The following SBF2 variants were observed in gnomAD, a reference collection of about 807,000 sequenced individuals.
SBF2 encodes myotubularin-related protein 13.
In SBF2, 112 loss-of-function variants were observed where a neutral mutation model predicts 225.2. The observed-to-expected ratio is 0.50, with a 90% CI of 0.43 to 0.58. SBF2 has a LOEUF of 0.58. Among genes scored for constraint, SBF2 ranks in the 20% least tolerant of loss-of-function variants. SBF2 has a pLI of 0.00. For synonymous variants in SBF2, 763 were observed against 773.3 expected (o/e 0.99, Z 0.22); for missense variants, 1,996 against 2,206.2 (o/e 0.90, Z 1.91).
At chr11:10,220,590 C>T (rs892829733) in intron 1 of SBF2, among the ~76,000 whole-genome samples, 4 of 152,174 alleles carry the variant, frequency 2.6e-5, no homozygotes, top group Non-Finnish European at 5.9e-5. Context: ...TTACCCTATA[C>T]ATTGCTACCA....
rs759749653 is a variant in SBF2, at chr11:9,858,242, G to C, written c.2084C>G (p.Pro695Arg). The C allele has an allele frequency of 6.2e-7, 1 of 1,614,086 alleles. No individual in the cohort carries two copies. Among genetic ancestry groups the C allele is most frequent in the Non-Finnish European group, 8.5e-7 (1 of 1,180,004 alleles). Residue 695 changes from proline (P) to arginine (R), a missense_variant, in exon 18 of 40, where the codon CCG becomes CGG. Pro to Arg is a moderately radical substitution (Grantham distance 103). Transcript: ENST00000256190. ...CTCTCTTACCTTTTGCTTCAGATGC[G>C]GGGCATGATTGTCTTCCTTGGCTGA... is the stretch of plus-strand genomic sequence containing the variant. ...YLSAKEDNHA[P>R]HLKQKDKLPD...
At chr11:10,016,831 G>A (rs935930073) in intron 6 of SBF2, 6 of 152,158 alleles carry the variant, frequency 3.9e-5, no homozygotes, top group Non-Finnish European at 8.8e-5. Context: ...TTACATTAAT[G>A]ATTTTTATTC....
At chr11:10,133,530 C>T (rs1954189880) in intron 2 of SBF2, among the ~76,000 whole-genome samples, 1 of 135,730 alleles carries the variant, frequency 7.4e-6, no homozygotes, top group Non-Finnish European at 1.7e-5. Flanking sequence ...AGTACACCCT[C>T]CGCAGCCACT....
chr11:10,005,094 G>C (rs1027916110), intron 6 of SBF2, among the ~76,000 whole-genome samples: 1 of 152,218 alleles, frequency 6.6e-6, no homozygotes, highest in African/African-American at 2.4e-5. Context: ...ATTGGTCATA[G>C]CTGATGCCAC....
At chr11:10,075,620 T>C (rs573164415) in intron 2 of SBF2, among the ~76,000 whole-genome samples, 1 of 152,330 alleles carries the variant, frequency 6.6e-6, no homozygotes, top group East Asian at 1.9e-4. Context: ...TCATTTGCTG[T>C]CTCTCCTGCC....
chr11:9,969,599 GC>G (rs1478126059), intron 13 of SBF2, among the ~76,000 whole-genome samples: 1 of 152,086 alleles, frequency 6.6e-6, no homozygotes, highest in Admixed American at 6.5e-5. Flanking sequence ...TGCCTGGAAT[GC>G]CTGTGCCCCA....
At chr11:10,009,630 G>A (rs544385877) in intron 6 of SBF2, among the ~76,000 whole-genome samples, 12 of 152,298 alleles carry the variant, frequency 7.9e-5, no homozygotes, top group African/African-American at 2.9e-4. Context: ...TGGTGTATAT[G>A]TGCCACATTT....
intron 16 of SBF2, among the ~76,000 whole-genome samples, chr11:9,896,922 T>C (rs549641051): frequency 9.9e-5 from 15 of 152,196 alleles, no homozygotes; most frequent in East Asian, 7.7e-4. Context: ...GAAGGTAAAA[T>C]GGCACAGTGA....
chr11:9,960,535 C>T (rs2134358135), intron 16 of SBF2: 1 of 152,182 alleles, frequency 6.6e-6, no homozygotes, highest in Admixed American at 6.5e-5. Flanking sequence ...CTCATCTTTT[C>T]ACTGCTGGTG....
At chr11:10,025,941 CATT>C (rs750423099) in intron 6 of SBF2, among the ~76,000 whole-genome samples, 12 of 151,794 alleles carry the variant, frequency 7.9e-5, no homozygotes, top group Non-Finnish European at 1.6e-4. Flanking sequence ...TTCAAGTTGT[CATT>C]GTTAAGAGGA....
At chr11:10,284,998 T>G (rs1963653400) in intron 1 of SBF2, among the ~76,000 whole-genome samples, 2 of 152,014 alleles carry the variant, frequency 1.3e-5, no homozygotes, top group Admixed American at 6.6e-5. Context: ...GAAAAGACAC[T>G]TTAGGAACAA....
intron 16 of SBF2, among the ~76,000 whole-genome samples, chr11:9,910,108 C>T (rs1319296372): frequency 6.6e-6 from 1 of 152,136 alleles, no homozygotes; most frequent in Non-Finnish European, 1.5e-5. Context: ...AAAGCACAGT[C>T]ACCGAGAAAA....
At position 10,206,997 on chromosome 11, in the gene SBF2, C is replaced by G. The variant is rs1382161597; in HGVS notation, c.56-13010G>C. Reference sequence around the variant, plus strand: ...AGCACCAAACATATTCAAGAAGTTGCGTGACTCTCATACTGGATAAACTCA... The same window carrying G: ...AGCACCAAACATATTCAAGAAGTTGGGTGACTCTCATACTGGATAAACTCA... On this transcript the variant is annotated intron_variant, in intron 1 of 39. Transcript: ENST00000256190. 2.0e-5 allele frequency among the ~76,000 whole-genome samples: 3 copies of G among 151,918 alleles called. No homozygotes were observed. In the South Asian group the frequency reaches 6.2e-4, roughly 32 times the overall value.
At chr11:10,005,359 C>T (rs539319481) in intron 6 of SBF2, among the ~76,000 whole-genome samples, 9 of 152,206 alleles carry the variant, frequency 5.9e-5, no homozygotes, top group South Asian at 4.1e-4. Flanking sequence ...TTTGTGCATG[C>T]GGAGTGCCCA....
chr11:10,208,552 G>A (rs1380938708), intron 1 of SBF2, among the ~76,000 whole-genome samples: 7 of 151,968 alleles, frequency 4.6e-5, no homozygotes, highest in Admixed American at 6.6e-5. Context: ...TGAAGGAGGC[G>A]GTGAAGACGT....
intron 2 of SBF2, among the ~76,000 whole-genome samples, chr11:10,101,837 A>G (rs73412826): frequency 0.012 from 1,794 of 152,244 alleles, 38 homozygotes; most frequent in African/African-American, 0.041. Flanking sequence ...ATGGAGAGAG[A>G]GGTATCACAG....
At chr11:10,247,710 A>G (rs951959116) in intron 1 of SBF2, among the ~76,000 whole-genome samples, 2 of 152,038 alleles carry the variant, frequency 1.3e-5, no homozygotes, top group African/African-American at 4.8e-5. Flanking sequence ...AAACAAATGA[A>G]TAAAATAAAA....
At chr11:9,950,035 T>C (rs548440042) in intron 16 of SBF2, among the ~76,000 whole-genome samples, 12 of 152,022 alleles carry the variant, frequency 7.9e-5, no homozygotes, top group African/African-American at 2.7e-4. Context: ...ATTGGGAGCA[T>C]AATGCTGATA....
At chr11:10,290,453 C>T (rs1964091442) in intron 1 of SBF2, among the ~76,000 whole-genome samples, 1 of 151,816 alleles carries the variant, frequency 6.6e-6, no homozygotes. Flanking sequence ...GTGGGGAGAC[C>T]AACATGAGGA....
Sources: allele counts gnomAD v4.1 joint callset (sites outside exome capture counted in the v4.1 genomes callset), GRCh38; gene constraint gnomAD v4.1.1; transcripts MANE v1.5; gene names NCBI Gene and HGNC (gene_info 2026-07-23, HGNC 2026-07-21).